SFI1: variants seen among roughly 807,000 people sequenced by gnomAD.
The protein encoded by SFI1 is protein SFI1 homolog.
SFI1 carries 195 observed loss-of-function variants against 207.5 expected under a neutral mutation model. That is an observed-to-expected ratio of 0.94 (90% CI 0.84 to 1.06). SFI1 has a LOEUF of 1.06. Ranked by LOEUF, SFI1 falls within the 50% of genes least tolerant of loss-of-function variation. SFI1 has a pLI of 0.00. For synonymous variants in SFI1, 630 were observed against 598.9 expected (o/e 1.05, Z -0.76); for missense variants, 1,634 against 1,588.0 (o/e 1.03, Z -0.49).
At chr22:31,606,685 CTTTTTTTCTTTTTTTTTTT>C (rs2069045309) in intron 21 of SFI1, 1 of 183,998 alleles carries the variant, frequency 5.4e-6, no homozygotes, top group African/African-American at 2.9e-5. Flanking sequence ...CCAGTATTTT[CTTTTTTTCTTTTTTTTTTT>C]TTTTTTTTTT....
intron 3 of SFI1, chr22:31,530,549 C>A: frequency 2.2e-6 from 1 of 452,178 alleles, no homozygotes; most frequent in Non-Finnish European, 4.5e-6. Context: ...AGACACTGTG[C>A]TAGGTACTGG....
intron 15 of SFI1, among the ~76,000 whole-genome samples, chr22:31,599,964 C>T (rs1266358817): frequency 2.0e-5 from 3 of 151,532 alleles, no homozygotes; most frequent in African/African-American, 7.3e-5. Flanking sequence ...CTCAAGACAT[C>T]CTCCTGCCTC....
intron 2 of SFI1, among the ~76,000 whole-genome samples, chr22:31,516,194 C>G (rs2056468529): frequency 6.6e-6 from 1 of 152,044 alleles, no homozygotes; most frequent in Admixed American, 6.6e-5. Context: ...CCTCTGCTCT[C>G]TTCATCATTT....
chr22:31,529,655 A>G (rs1250246048), intron 3 of SFI1, among the ~76,000 whole-genome samples: 2 of 152,082 alleles, frequency 1.3e-5, no homozygotes, highest in Non-Finnish European at 2.9e-5. Context: ...GGCTTGATAG[A>G]CTCTTAAGCC....
Position 31,546,904 on chromosome 22 carries a change from T to C in SFI1, c.382T>C (p.Trp128Arg). 2 of 1,612,554 alleles carry C rather than the reference T, an allele frequency of 1.2e-6. No homozygotes were observed. The highest frequency in any genetic ancestry group is 1.7e-6 in the Non-Finnish European group (2 of 1,179,346). The change falls in exon 5 of 33, where the codon TGG becomes CGG. Residue 128 changes from tryptophan to arginine, a missense_variant. By Grantham distance (101) the Trp-to-Arg change is moderately radical. Coordinates refer to ENST00000400288, the MANE Select transcript of SFI1 (RefSeq NM_001007467.3). ...ATTACTACGGAAGGTCTTCGAAGAA[T>C]GGAAAGAGGAGTGGTGGGTTTTCCA... ...QRLLRKVFEE[W>R]KEEWWVFQHE...
Position 31,523,788 on chromosome 22 carries a change from A to T in SFI1, c.93-4902A>T, listed in dbSNP as rs140573076. On this transcript the variant is annotated intron_variant, in intron 2 of 32. Transcript: ENST00000400288. The stretch of plus-strand genomic sequence containing the variant: ...AATCAAGTGATTTGCCATAAACTTC[A>T]AATCTGTGGAATCAGGGTGTTTTTT... Among the ~76,000 whole-genome samples the T allele has an allele frequency of 8.5e-5, 13 of 152,312 alleles. No homozygotes were observed. The East Asian group carries it at 2.3e-3, about 27-fold the overall frequency.
At chr22:31,609,910 A>C (rs2069770882) in intron 22 of SFI1, among the ~76,000 whole-genome samples, 1 of 152,054 alleles carries the variant, frequency 6.6e-6, no homozygotes. Context: ...TCAGGTGCCC[A>C]CTCCTGGCCA....
At chr22:31,613,982 C>G (rs1194855813) in intron 27 of SFI1, 127 bp downstream of exon 27, 25 of 1,264,558 alleles carry the variant, frequency 2.0e-5, no homozygotes, top group African/African-American at 4.5e-5. Flanking sequence ...AGCTGAGCTG[C>G]TGGGAACCCC....
intron 2 of SFI1, among the ~76,000 whole-genome samples, chr22:31,526,532 G>C (rs1343230489): frequency 6.6e-6 from 1 of 152,042 alleles, no homozygotes; most frequent in Non-Finnish European, 1.5e-5. Flanking sequence ...ATGCGATTTG[G>C]GTGGGGGCAC....
At chr22:31,567,441 G>A (rs557965538) in intron 8 of SFI1, among the ~76,000 whole-genome samples, 24 of 152,224 alleles carry the variant, frequency 1.6e-4, no homozygotes, top group African/African-American at 5.8e-4. Context: ...GTGAAGAGCT[G>A]CTGGCTCTGA....
At position 31,553,836 on chromosome 22, in the gene SFI1, A is replaced by ATTTTTTTTTTTTTTTTTTTTT; in HGVS notation, c.545-3105_545-3104insTTTTTTTTTTTTTTTTTTTTT. On this transcript the variant is annotated intron_variant, in intron 6 of 32. Transcript: ENST00000400288. Reference sequence around the variant, plus strand: ...CCATTCTATTTTTTTTTAATGGATTATGTTTTTTTTTTTTTTTTTTTTTTT... The same window carrying ATTTTTTTTTTTTTTTTTTTTT: ...CCATTCTATTTTTTTTTAATGGATTATTTTTTTTTTTTTTTTTTTTTTGTTTTTTTTTTTTTTTTTTTTTTT... Among the ~76,000 whole-genome samples, 2 of 21,954 alleles carry ATTTTTTTTTTTTTTTTTTTTT rather than the reference A, an allele frequency of 9.1e-5. 1 individual carries two copies. The highest frequency in any genetic ancestry group is 2.7e-4 in the African/African-American group (2 of 7,310). 14.4% of individuals were successfully genotyped at this position (21,954 alleles called of 152,430 possible). A position where few individuals can be genotyped will look rare whatever the true frequency, so the allele number is the denominator to read the frequency against.
chr22:31,584,055 C>CTA, intron 13 of SFI1, 83 bp downstream of exon 13: 1 of 1,153,504 alleles, frequency 8.7e-7, no homozygotes, highest in Non-Finnish European at 1.3e-6. Context: ...GCTTGCCCTT[C>CTA]TATGCGTTAG....
At chr22:31,550,437 A>G in intron 6 of SFI1, 89 bp downstream of exon 6, 1 of 1,003,574 alleles carries the variant, frequency 1.0e-6, no homozygotes. Flanking sequence ...TCTCAGAGAG[A>G]GAGGAACTCT....
intron 13 of SFI1, among the ~76,000 whole-genome samples, chr22:31,584,787 A>G (rs1490523637): frequency 1.3e-5 from 2 of 151,908 alleles, no homozygotes; most frequent in African/African-American, 4.8e-5. Context: ...TATCTAGGGG[A>G]TTTCACACAT....
chr22:31,608,313 T>C (rs1451385112), intron 22 of SFI1, among the ~76,000 whole-genome samples: 1 of 152,178 alleles, frequency 6.6e-6, no homozygotes, highest in East Asian at 1.9e-4. Flanking sequence ...TTCTTGCTTG[T>C]CATGGCTTTC....
At chr22:31,522,141 C>G (rs1363112519) in intron 2 of SFI1, among the ~76,000 whole-genome samples, 1 of 139,470 alleles carries the variant, frequency 7.2e-6, no homozygotes, top group Non-Finnish European at 1.5e-5. Flanking sequence ...AATCTCTGCT[C>G]ACTGCAACCT....
chr22:31,589,117 G>C (rs1012728162), intron 14 of SFI1, among the ~76,000 whole-genome samples: 1 of 152,150 alleles, frequency 6.6e-6, no homozygotes, highest in Non-Finnish European at 1.5e-5. Flanking sequence ...ACATATCACT[G>C]AGTCAAATGC....
intron 31 of SFI1, 40 bp from the exon 32 acceptor site, chr22:31,618,075 G>C: frequency 6.5e-7 from 1 of 1,542,714 alleles, no homozygotes; most frequent in Non-Finnish European, 8.7e-7. Flanking sequence ...GCTCTGCCAA[G>C]GACCCAGCCT....
At chr22:31,510,946 C>T (rs941483454) in intron 2 of SFI1, among the ~76,000 whole-genome samples, 1 of 152,022 alleles carries the variant, frequency 6.6e-6, no homozygotes, top group African/African-American at 2.4e-5. Context: ...TAGGTAAAGA[C>T]TTGTCAGTTT....
Sources: allele counts gnomAD v4.1 joint callset (sites outside exome capture counted in the v4.1 genomes callset), GRCh38; gene constraint gnomAD v4.1.1; transcripts MANE v1.5; gene names NCBI Gene and HGNC (gene_info 2026-07-23, HGNC 2026-07-21).